MYRFL: variants seen among roughly 807,000 people sequenced by gnomAD.
MYRFL encodes myelin regulatory factor-like protein.
Under a neutral mutation model 109.4 loss-of-function variants are expected in MYRFL, and 88 were observed. The observed-to-expected ratio is 0.80, with a 90% CI of 0.68 to 0.96. The LOEUF (loss-of-function observed/expected upper bound fraction) is 0.96, where lower values mean the gene tolerates loss of function less well. Ranked by LOEUF, MYRFL falls within the 40% of genes least tolerant of loss-of-function variation. MYRFL has a pLI of 0.00. For missense variants in MYRFL, 957 were observed against 954.9 expected, an observed-to-expected ratio of 1.00 and a Z score of -0.03; for synonymous variants, 324 against 320.9, an observed-to-expected ratio of 1.01 and a Z score of -0.10.
At chr12:69,903,004 G>T (rs1197958358) in intron 10 of MYRFL, among the ~76,000 whole-genome samples, 1 of 152,216 alleles carries the variant, frequency 6.6e-6, no homozygotes. Context: ...CAGAGTGTCA[G>T]TGTCAATAAA....
intron 1 of MYRFL, among the ~76,000 whole-genome samples, chr12:69,854,221 T>A (rs887335363): frequency 2.6e-5 from 4 of 151,968 alleles, no homozygotes; most frequent in African/African-American, 7.2e-5. Context: ...GGCGCGTGCC[T>A]GCAATCTCAG....
intron 1 of MYRFL, among the ~76,000 whole-genome samples, chr12:69,853,188 G>A (rs143358542): frequency 0.041 from 5,709 of 140,082 alleles, 137 homozygotes; most frequent in East Asian, 0.13. Context: ...CCCATCTCCC[G>A]GACGGGGCAG....
Position 69,958,637 on chromosome 12 carries a change from C to G in MYRFL, c.*106C>G, listed in dbSNP as rs531383248. On this transcript the variant is annotated 3_prime_UTR_variant, in exon 25 of 25. Coordinates refer to ENST00000552032, the MANE Select transcript of MYRFL (RefSeq NM_182530.3). ...TTTTTTCTTCTTTGTAAAACATTTA[C>G]GTTTATTGCTGAAGGACTTTTTCAG... 47 of 799,184 alleles carry G rather than the reference C, an allele frequency of 5.9e-5. No individual in the cohort carries two copies. Among genetic ancestry groups the G allele is most frequent in the Non-Finnish European group, 7.4e-5 (39 of 529,570 alleles). 49.5% of individuals were successfully genotyped at this position (799,184 alleles called of 1,614,324 possible).
intron 1 of MYRFL, among the ~76,000 whole-genome samples, chr12:69,844,478 T>A (rs1347146890): frequency 2.0e-5 from 3 of 152,200 alleles, no homozygotes; most frequent in African/African-American, 7.2e-5. Flanking sequence ...AACAGATTCT[T>A]CCCTCCATCT....
At chr12:69,859,105 G>C (rs1884480953) in intron 2 of MYRFL, among the ~76,000 whole-genome samples, 1 of 151,546 alleles carries the variant, frequency 6.6e-6, no homozygotes, top group Admixed American at 6.6e-5. Flanking sequence ...GACTTTCTTT[G>C]ACTCATGGGT....
At chr12:69,863,186 A>G (rs1474930601) in intron 2 of MYRFL, among the ~76,000 whole-genome samples, 1 of 152,116 alleles carries the variant, frequency 6.6e-6, no homozygotes, top group African/African-American at 2.4e-5. Flanking sequence ...ATCAGTGTTC[A>G]TCAAGGATAT....
At chr12:69,844,435 T>C (rs567070001) in intron 1 of MYRFL, among the ~76,000 whole-genome samples, 27 of 152,266 alleles carry the variant, frequency 1.8e-4, no homozygotes, top group Non-Finnish European at 3.5e-4. Context: ...ATAAAGCAGA[T>C]GGGACACCAG....
At chr12:69,838,270 T>A (rs901714530) in intron 1 of MYRFL, among the ~76,000 whole-genome samples, 9 of 152,206 alleles carry the variant, frequency 5.9e-5, no homozygotes, top group African/African-American at 2.2e-4. Context: ...CCAACTCACC[T>A]GCAGCGCCTG....
At chr12:69,930,333 T>C (rs1955228951) in intron 15 of MYRFL, among the ~76,000 whole-genome samples, 1 of 152,318 alleles carries the variant, frequency 6.6e-6, no homozygotes, top group Middle Eastern at 3.4e-3. Flanking sequence ...GTGTTCATTC[T>C]GGAGGAAGAT....
At chr12:69,836,524 G>T (rs183574548) in intron 1 of MYRFL, among the ~76,000 whole-genome samples, 1 of 152,294 alleles carries the variant, frequency 6.6e-6, no homozygotes, top group Admixed American at 6.5e-5. Flanking sequence ...CTTCTGCTAA[G>T]AGTAAATATT....
At position 69,936,654 on chromosome 12, in the gene MYRFL, A is replaced by G. The variant is rs1005356795; in HGVS notation, c.2224+22A>G. 5 of 1,484,662 alleles carry G rather than the reference A, an allele frequency of 3.4e-6. No homozygotes were observed. The East Asian group carries it at 1.0e-4, about 30-fold the overall frequency. 92.0% of individuals were successfully genotyped at this position (1,484,662 alleles called of 1,614,324 possible). On this transcript the variant is annotated intron_variant, in intron 19 of 24. Coordinates refer to ENST00000552032, the MANE Select transcript of MYRFL (RefSeq NM_182530.3). ...TCAGGTAAATGATGTTCAAAGAGAA[A>G]CAACTAGAGCTTTGAACTTGAGGTT... is the stretch of plus-strand genomic sequence containing the variant.
chr12:69,933,367 C>CTGT (rs1251649353), intron 16 of MYRFL, among the ~76,000 whole-genome samples: 1 of 152,106 alleles, frequency 6.6e-6, no homozygotes, highest in Non-Finnish European at 1.5e-5. Flanking sequence ...TTGAGTGCAC[C>CTGT]TGTTTTTTTC....
At chr12:69,881,840 T>G (rs1227952902) in intron 5 of MYRFL, among the ~76,000 whole-genome samples, 1 of 152,232 alleles carries the variant, frequency 6.6e-6, no homozygotes, top group Non-Finnish European at 1.5e-5. Context: ...TCCTATGCAA[T>G]GCTACCCTAA....
intron 1 of MYRFL, among the ~76,000 whole-genome samples, chr12:69,845,984 G>A (rs76513849): frequency 2.4e-3 from 361 of 151,972 alleles, no homozygotes; most frequent in African/African-American, 8.5e-3. Flanking sequence ...TTGTTTATCC[G>A]TGGCAGCTTA....
rs756605630 is a variant in MYRFL, at chr12:69,855,242, TC to T, written c.47-37del. 7.3e-5 allele frequency: 51 copies of T among 696,364 alleles called. No homozygotes were observed. The South Asian group carries it at 7.4e-4, about 10-fold the overall frequency. The allele number at this position is 696,364 out of a possible 1,614,324, so 43.1% of individuals were successfully genotyped here. On this transcript the variant is annotated intron_variant, in intron 1 of 24. Coordinates refer to ENST00000552032, the MANE Select transcript of MYRFL (RefSeq NM_182530.3). ...TTTTTAGCCATTGGCCATACTGAAA[TC>T]TTCATGTTTCTCAAGATTTTCAATT...
Position 69,926,932 on chromosome 12 carries a change from G to GTTTTTTTTTT in MYRFL, c.1766+198_1766+199insTTTTTTTTTT, listed in dbSNP as rs1336716063. 8.5e-3 allele frequency among the ~76,000 whole-genome samples: 653 copies of GTTTTTTTTTT among 76,850 alleles called. 241 individuals carry two copies. Among genetic ancestry groups the GTTTTTTTTTT allele is most frequent in the Non-Finnish European group, 0.013 (513 of 39,078 alleles). 50.4% of individuals were successfully genotyped at this position (76,850 alleles called of 152,430 possible). A position where few individuals can be genotyped will look rare whatever the true frequency, so the allele number is the denominator to read the frequency against. Reference sequence around the variant, plus strand: ...ACTTTCTTAGTTTTTTTCTGTTGCTGGTTTTTTTTTTTTTTTTTTTTTTTT... The same window carrying GTTTTTTTTTT: ...ACTTTCTTAGTTTTTTTCTGTTGCTGTTTTTTTTTTGTTTTTTTTTTTTTTTTTTTTTTTT... On this transcript the variant is annotated intron_variant, in intron 14 of 24. Coordinates refer to ENST00000552032, the MANE Select transcript of MYRFL (RefSeq NM_182530.3).
chr12:69,936,523 G>A lies in MYRFL; in HGVS notation c.2115G>A (p.Leu705=). ...QVPEITFCEI[L]PCQETYCCPI... ...CTGAAATTACTTTCTGTGAAATCCT[G>A]CCGTGTCAGGAGACTTATTGCTGCC... The change falls in exon 19 of 25, where the codon CTG becomes CTA. Residue 705 remains leucine (L), a synonymous_variant. Transcript: ENST00000552032. The A allele has an allele frequency of 1.3e-6, 2 of 1,536,074 alleles. No individual in the cohort carries two copies. Among genetic ancestry groups the A allele is most frequent in the South Asian group, 2.4e-5 (2 of 84,050 alleles).
intron 15 of MYRFL, among the ~76,000 whole-genome samples, chr12:69,928,279 G>T (rs536415871): frequency 1.3e-5 from 2 of 152,304 alleles, no homozygotes; most frequent in African/African-American, 4.8e-5. Context: ...TAAAGCGAAG[G>T]TTAATAATTT....
intron 13 of MYRFL, among the ~76,000 whole-genome samples, chr12:69,913,277 G>A (rs1269831383): frequency 6.6e-6 from 1 of 151,992 alleles, no homozygotes; most frequent in East Asian, 1.9e-4. Flanking sequence ...TCTTAATAGT[G>A]TCTTTATGTA....
Sources: gnomAD v4.1 joint callset for allele counts (sites outside exome capture counted in the v4.1 genomes callset) on GRCh38, gnomAD v4.1.1 for gene constraint, MANE v1.5 for transcripts, NCBI Gene and HGNC (gene_info 2026-07-23, HGNC 2026-07-21) for gene names.